TRAPPC9: variants seen among roughly 807,000 people sequenced by gnomAD.
TRAPPC9 encodes the protein IKK2 binding protein.
A neutral mutation model predicts 124.0 loss-of-function variants in TRAPPC9; 83 were observed. That is an observed-to-expected ratio of 0.67 (90% CI 0.56 to 0.80). The LOEUF (loss-of-function observed/expected upper bound fraction) is 0.80, where lower values mean the gene tolerates loss of function less well. TRAPPC9 is among the 30% of genes least tolerant of loss of function. The pLI, the probability that TRAPPC9 is intolerant of heterozygous loss-of-function variation, is 0.00. For missense variants in TRAPPC9, 1,302 were observed against 1,508.3 expected (o/e 0.86, Z 2.27); for synonymous variants, 638 against 617.5 (o/e 1.03, Z -0.49).
intron 5 of TRAPPC9, among the ~76,000 whole-genome samples, chr8:140,424,024 G>C (rs1023644154): frequency 1.3e-5 from 2 of 152,098 alleles, no homozygotes; most frequent in Non-Finnish European, 2.9e-5. Context: ...CTTCCTGCTG[G>C]GGTTATGAGA....
At chr8:140,173,678 G>A (rs966439999) in intron 17 of TRAPPC9, among the ~76,000 whole-genome samples, 12 of 152,074 alleles carry the variant, frequency 7.9e-5, no homozygotes, top group African/African-American at 2.2e-4. Flanking sequence ...TAGGGGACTC[G>A]CTTGCCCCAT....
At chr8:140,183,387 A>G (rs920632661) in intron 17 of TRAPPC9, among the ~76,000 whole-genome samples, 3 of 152,258 alleles carry the variant, frequency 2.0e-5, no homozygotes, top group Non-Finnish European at 4.4e-5. Context: ...GTCCAATGAT[A>G]CAATCAAAGG....
intron 5 of TRAPPC9, among the ~76,000 whole-genome samples, chr8:140,406,504 T>C (rs923128126): frequency 1.3e-5 from 2 of 152,198 alleles, no homozygotes; most frequent in African/African-American, 4.8e-5. Flanking sequence ...GCCAAAGACG[T>C]GCATCTCACA....
chr8:140,105,139 A>G (rs1186614375), intron 17 of TRAPPC9, among the ~76,000 whole-genome samples: 1 of 152,174 alleles, frequency 6.6e-6, no homozygotes, highest in Non-Finnish European at 1.5e-5. Context: ...CAGCTCATAA[A>G]GTCCTAGGTT....
At chr8:140,376,521 A>G (rs1353745268) in intron 7 of TRAPPC9, among the ~76,000 whole-genome samples, 5 of 136,386 alleles carry the variant, frequency 3.7e-5, no homozygotes, top group Non-Finnish European at 7.6e-5. Flanking sequence ...GCGCCACTGC[A>G]CTCTAGCCTG....
chr8:140,314,132 C>T (rs1056275115), intron 9 of TRAPPC9, among the ~76,000 whole-genome samples: 3 of 152,134 alleles, frequency 2.0e-5, no homozygotes, highest in Non-Finnish European at 4.4e-5. Context: ...ATTTGGTTAT[C>T]CTGGAACGCA....
chr8:139,920,354 C>G (rs1277420236), intron 19 of TRAPPC9, among the ~76,000 whole-genome samples: 1 of 152,194 alleles, frequency 6.6e-6, no homozygotes, highest in African/African-American at 2.4e-5. Flanking sequence ...TCAAGCAAAA[C>G]AAAACAAACA....
intron 19 of TRAPPC9, among the ~76,000 whole-genome samples, chr8:139,947,907 T>TATATATATATATATATAGAGAGAGAGAG: frequency 2.1e-3 from 128 of 60,072 alleles, no homozygotes; most frequent in Admixed American, 5.4e-3. Flanking sequence ...TATATATATA[T>TATATATATATATATATAGAGAGAGAGAG]AGAGAGAGAG....
chr8:140,266,440 G>A (rs2064656825), intron 15 of TRAPPC9, among the ~76,000 whole-genome samples: 1 of 150,664 alleles, frequency 6.6e-6, no homozygotes, highest in Non-Finnish European at 1.5e-5. Flanking sequence ...TCCAGCCTGG[G>A]CGACAGAGTG....
intron 8 of TRAPPC9, among the ~76,000 whole-genome samples, chr8:140,360,904 C>CT (rs911339697): frequency 3.0e-4 from 45 of 150,380 alleles, no homozygotes; most frequent in South Asian, 1.9e-3. Flanking sequence ...TGCCCAACTA[C>CT]TTTTTTTTTT....
intron 19 of TRAPPC9, among the ~76,000 whole-genome samples, chr8:139,968,572 C>T (rs533994727): frequency 1.1e-4 from 17 of 152,320 alleles, no homozygotes; most frequent in South Asian, 2.1e-4. Context: ...TTAAGGGAGA[C>T]GTTGTCTACT....
At chr8:140,113,767 T>C (rs2060826446) in intron 17 of TRAPPC9, among the ~76,000 whole-genome samples, 1 of 152,160 alleles carries the variant, frequency 6.6e-6, no homozygotes, top group African/African-American at 2.4e-5. Context: ...TGAGTAGAAC[T>C]GATCCACCGA....
chr8:140,060,652 G>A (rs565525600), intron 17 of TRAPPC9, among the ~76,000 whole-genome samples: 19 of 131,710 alleles, frequency 1.4e-4, no homozygotes, highest in Middle Eastern at 4.0e-3. Flanking sequence ...GGGCACTACC[G>A]AATTGGCTTC....
chr8:140,414,463 G>C (rs1482767341), intron 5 of TRAPPC9, among the ~76,000 whole-genome samples: 1 of 152,148 alleles, frequency 6.6e-6, no homozygotes, highest in East Asian at 1.9e-4. Flanking sequence ...GAGCCTGAGA[G>C]GTTGAGGCTG....
chr8:140,009,177 TGATAC>T (rs1838958515), intron 18 of TRAPPC9, among the ~76,000 whole-genome samples: 1 of 152,214 alleles, frequency 6.6e-6, no homozygotes, highest in African/African-American at 2.4e-5. Flanking sequence ...CTTAAGTCCT[TGATAC>T]TTCAGAAGAA....
intron 17 of TRAPPC9, among the ~76,000 whole-genome samples, chr8:140,207,865 A>G (rs886391144): frequency 4.6e-5 from 7 of 152,162 alleles, no homozygotes; most frequent in Admixed American, 4.6e-4. Context: ...TTAAAATTTA[A>G]TCTCAGGCTG....
In TRAPPC9 at chr8:140,267,413, C is replaced by T. The variant is rs113951487; in HGVS notation, c.2278+8245G>A. On this transcript the variant is annotated intron_variant, in intron 15 of 22. Coordinates refer to ENST00000438773, the MANE Select transcript of TRAPPC9 (RefSeq NM_001160372.4). ...TTCCCCATCCTGCGTTAACATTTCA[C>T]GCTCACCACAACCCTATGCAGCGGG... 8.3e-3 allele frequency among the ~76,000 whole-genome samples: 1,261 copies of T among 152,352 alleles called. 21 individuals are homozygous for T. The highest frequency in any genetic ancestry group is 0.029 in the African/African-American group (1,201 of 41,574).
At chr8:140,037,722 CA>C (rs1840989888) in intron 17 of TRAPPC9, among the ~76,000 whole-genome samples, 1 of 149,656 alleles carries the variant, frequency 6.7e-6, no homozygotes, top group Non-Finnish European at 1.5e-5. Context: ...ATACACCACA[CA>C]CCCAATACAC....
chr8:140,258,316 G>A (rs1489013014), intron 15 of TRAPPC9, among the ~76,000 whole-genome samples: 3 of 152,250 alleles, frequency 2.0e-5, no homozygotes, highest in African/African-American at 7.2e-5. Flanking sequence ...CCTGGCACAA[G>A]TAATGGATTT....
Sources: gnomAD v4.1 joint callset for allele counts (sites outside exome capture counted in the v4.1 genomes callset) on GRCh38, gnomAD v4.1.1 for gene constraint, MANE v1.5 for transcripts, NCBI Gene and HGNC (gene_info 2026-07-23, HGNC 2026-07-21) for gene names.